The following PINX1 variants were observed in gnomAD, a reference collection of about 807,000 sequenced individuals.
The protein encoded by PINX1 is PIN2/TERF1-interacting telomerase inhibitor 1.
In PINX1, 34 loss-of-function variants were observed where a neutral mutation model predicts 25.4. The ratio of observed to expected loss-of-function variants is 1.34; its 90% CI spans 1.02 to 1.78. PINX1 has a LOEUF of 1.78. Among genes scored for constraint, PINX1 ranks in the 40% most tolerant of loss-of-function variants. The probability of loss-of-function intolerance (pLI) is 0.00; values close to 1 mark genes in which losing one functional copy is unlikely to be tolerated. For synonymous variants in PINX1, 197 were observed against 147.7 expected (o/e 1.33, Z -2.42); for missense variants, 592 against 404.9 (o/e 1.46, Z -3.97).
At position 10,829,337 on chromosome 8, in the gene PINX1, A is replaced by C. The variant is rs1798154727; in HGVS notation, c.301+2328T>G. Among the ~76,000 whole-genome samples the C allele has an allele frequency of 2.0e-5, 3 of 151,030 alleles. No homozygotes were observed. The South Asian group carries it at 6.3e-4, about 32-fold the overall frequency. The stretch of plus-strand genomic sequence containing the variant: ...GAGAAAATAAAACCCTAGATTCTTT[A>C]TGAAATCCTTCAGAGTAAAGTAAAT... On this transcript the variant is annotated intron_variant, in intron 4 of 6. Transcript: ENST00000314787.
Position 10,831,743 on chromosome 8 carries a change from C to G in PINX1, c.223G>C (p.Asp75His). The G allele has an allele frequency of 3.2e-6, 5 of 1,573,898 alleles. No homozygotes were observed. The highest frequency in any genetic ancestry group is 4.3e-6 in the Non-Finnish European group (5 of 1,152,058). Residue 75 changes from aspartate (D) to histidine (H), a missense_variant and splice_region_variant, in exon 4 of 7, where the codon GAC (aspartate) becomes CAC (histidine). Coordinates refer to ENST00000314787, the MANE Select transcript of PINX1 (RefSeq NM_017884.6). ...TCATCCTGATGGGCAATCCAGTTGT[C>G]CTGAAAATATCAAAGAAATGAACGA... Reference protein sequence around the residue: ...LGLGATINNEDNWIAHQDDFN... With the variant: ...LGLGATINNEHNWIAHQDDFN...
At chr8:10,835,859 G>T (rs1188149837) in intron 1 of PINX1, among the ~76,000 whole-genome samples, 1 of 152,124 alleles carries the variant, frequency 6.6e-6, no homozygotes, top group East Asian at 1.9e-4. Flanking sequence ...TCTCATCAAA[G>T]CAACTTTTTT....
intron 6 of PINX1, among the ~76,000 whole-genome samples, chr8:10,789,632 C>T (rs1361554589): frequency 6.6e-6 from 1 of 152,210 alleles, no homozygotes; most frequent in African/African-American, 2.4e-5. Context: ...GCACAGGGAC[C>T]ATAAACAACA....
intron 6 of PINX1, among the ~76,000 whole-genome samples, chr8:10,767,730 GA>G (rs1429795903): frequency 2.3e-4 from 35 of 151,092 alleles, no homozygotes; most frequent in Non-Finnish European, 3.1e-4. Context: ...CACAGCCACA[GA>G]GACAGGCTCG....
intron 6 of PINX1, among the ~76,000 whole-genome samples, chr8:10,787,085 T>C (rs1381426711): frequency 6.6e-6 from 1 of 152,158 alleles, no homozygotes; most frequent in African/African-American, 2.4e-5. Context: ...TCCCATGAGC[T>C]CTGTTATTTT....
At chr8:10,779,266 A>C (rs1801508505) in intron 6 of PINX1, among the ~76,000 whole-genome samples, 1 of 152,262 alleles carries the variant, frequency 6.6e-6, no homozygotes, top group East Asian at 1.9e-4. Context: ...AAGGCCGTGC[A>C]AAGTTCAAAC....
chr8:10,797,239 C>G (rs1263880561), intron 6 of PINX1, among the ~76,000 whole-genome samples: 1 of 152,194 alleles, frequency 6.6e-6, no homozygotes, highest in African/African-American at 2.4e-5. Context: ...GTTCCTACCT[C>G]TCAGGGTTGG....
intron 6 of PINX1, among the ~76,000 whole-genome samples, chr8:10,809,937 G>A (rs967933229): frequency 3.3e-5 from 5 of 152,260 alleles, no homozygotes; most frequent in African/African-American, 9.6e-5. Context: ...TGCATAGGAG[G>A]TGTGCCGATG....
At chr8:10,839,711 G>A (rs1305757354) in intron 1 of PINX1, 27 bp downstream of exon 1, 1 of 1,598,114 alleles carries the variant, frequency 6.3e-7, no homozygotes, top group Admixed American at 1.7e-5. Context: ...AACGCGCCTG[G>A]GTCGGGCCTC....
Position 10,778,296 on chromosome 8 carries a change from A to T in PINX1, c.472-12380T>A, listed in dbSNP as rs539760381. ...AGTTTCCGATTTTTGATTTAGGGATATTCAACCTGGAATATCAATATAAAT... is the reference window on the plus strand; with the variant it reads ...AGTTTCCGATTTTTGATTTAGGGATTTTCAACCTGGAATATCAATATAAAT... On this transcript the variant is annotated intron_variant, in intron 6 of 6. Transcript: ENST00000314787. Among the ~76,000 whole-genome samples, 47 of 152,256 alleles carry T rather than the reference A, an allele frequency of 3.1e-4. No individual in the cohort carries two copies. The South Asian group carries it at 6.4e-3, about 21-fold the overall frequency.
chr8:10,801,580 G>T (rs140346454), intron 6 of PINX1, among the ~76,000 whole-genome samples: 1 of 152,112 alleles, frequency 6.6e-6, no homozygotes, highest in Non-Finnish European at 1.5e-5. Flanking sequence ...TCCTTTTCTG[G>T]AAGTCCAGGG....
chr8:10,810,342 C>T (rs1282654501), intron 6 of PINX1, among the ~76,000 whole-genome samples: 2 of 152,088 alleles, frequency 1.3e-5, no homozygotes, highest in East Asian at 1.9e-4. Context: ...TGTTGGAGGC[C>T]GGGACAAGTC....
intron 6 of PINX1, among the ~76,000 whole-genome samples, chr8:10,783,516 A>G (rs1168867556): frequency 6.6e-6 from 1 of 152,186 alleles, no homozygotes; most frequent in African/African-American, 2.4e-5. Context: ...AGACACATAC[A>G]AAGGTTATCT....
chr8:10,766,932 G>T (rs1032405838), intron 6 of PINX1, among the ~76,000 whole-genome samples: 9 of 152,208 alleles, frequency 5.9e-5, no homozygotes, highest in African/African-American at 1.7e-4. Flanking sequence ...GGCAGGAAGT[G>T]CTTTCGGGTT....
chr8:10,791,863 G>A (rs1049476993), intron 6 of PINX1, among the ~76,000 whole-genome samples: 1 of 152,208 alleles, frequency 6.6e-6, no homozygotes, highest in East Asian at 1.9e-4. Flanking sequence ...TGGGAGCGGG[G>A]AGACATCCTG....
At chr8:10,830,153 G>C (rs1245291275) in intron 4 of PINX1, among the ~76,000 whole-genome samples, 1 of 152,046 alleles carries the variant, frequency 6.6e-6, no homozygotes, top group East Asian at 1.9e-4. Flanking sequence ...TTTTTCTTCT[G>C]CTAATAAATT....
chr8:10,809,618 A>G lies in PINX1; in HGVS notation c.471+10575T>C, dbSNP rs571366407. Among the ~76,000 whole-genome samples, 29 of 152,302 alleles carry G rather than the reference A, an allele frequency of 1.9e-4. No individual in the cohort carries two copies. The South Asian group carries it at 5.4e-3, about 28-fold the overall frequency. The stretch of plus-strand genomic sequence containing the variant: ...TTCTCTAAGCTTCTTACCTGTTCCT[A>G]TGCTGTGAGGGCACTGAAAACACAA... On this transcript the variant is annotated intron_variant, in intron 6 of 6. Coordinates refer to ENST00000314787, the MANE Select transcript of PINX1 (RefSeq NM_017884.6).
chr8:10,788,021 G>A (rs1199036241), intron 6 of PINX1, among the ~76,000 whole-genome samples: 1 of 152,166 alleles, frequency 6.6e-6, no homozygotes, highest in African/African-American at 2.4e-5. Context: ...ATGTTTTTTG[G>A]TGTGATAACA....
intron 6 of PINX1, among the ~76,000 whole-genome samples, chr8:10,815,617 G>A (rs1022291330): frequency 2.0e-5 from 3 of 152,148 alleles, no homozygotes; most frequent in African/African-American, 4.8e-5. Flanking sequence ...TGTTTTGCAT[G>A]CAATTTAAAG....
Sources: allele counts gnomAD v4.1 joint callset (sites outside exome capture counted in the v4.1 genomes callset), GRCh38; gene constraint gnomAD v4.1.1; transcripts MANE v1.5; gene names NCBI Gene and HGNC (gene_info 2026-07-23, HGNC 2026-07-21).